Variants in MPG observed in about 807,000 individuals in gnomAD.
MPG encodes the protein N-methylpurine DNA glycosylase.
Under a neutral mutation model 31.7 loss-of-function variants are expected in MPG, and 33 were observed. The observed-to-expected ratio is 1.04, with a 90% CI of 0.79 to 1.39. The LOEUF is 1.39. Ranked by LOEUF, MPG falls within the 40% of genes most tolerant of loss-of-function variation. MPG has a pLI of 0.00. For missense variants in MPG, 455 were observed against 415.5 expected (o/e 1.10, Z -0.83); for synonymous variants, 202 against 169.2 (o/e 1.19, Z -1.51).
rs25671 is a variant in MPG at position 79,663 on chromosome 16, A to C, written c.263A>C (p.Gln88Pro). ...CGACTGGGGTTGGAGTTCTTCGACC[A>C]GCCGGCAGTCCCCCTGGCCCGGGCA... ...LTRLGLEFFD[Q>P]PAVPLARAFL... The change falls in exon 2 of 4, where the codon CAG becomes CCG. Residue 88 changes from glutamine to proline, a missense_variant. Transcript: ENST00000356432. 5.1e-6 allele frequency: 8 copies of C among 1,569,316 alleles called. No individual in the cohort carries two copies. Among genetic ancestry groups the C allele is most frequent in the Non-Finnish European group, 6.9e-6 (8 of 1,156,162 alleles).
chr16:79,424 G>A lies in MPG; in HGVS notation c.25-1G>A, dbSNP rs146600185. 6.2e-7 allele frequency: 1 copy of A among 1,613,388 alleles called. No individual in the cohort carries two copies. Among genetic ancestry groups the A allele is most frequent in the Non-Finnish European group, 8.5e-7 (1 of 1,179,984 alleles). On this transcript the variant is annotated splice_acceptor_variant, in intron 1 of 3. Coordinates refer to ENST00000356432, the MANE Select transcript of MPG (RefSeq NM_001015052.3). LOFTEE classifies it high-confidence loss of function. ...CTTATTTATTTTTTTTCCCATTACA[G>A]TTTTGCCGACGGATGGGGCAAAAGA...
intron 3 of MPG, among the ~76,000 whole-genome samples, chr16:85,193 A>G (rs1328196284): frequency 6.6e-6 from 1 of 152,200 alleles, no homozygotes; most frequent in East Asian, 1.9e-4. Context: ...GAGGATGGCA[A>G]GGTAGGCAGA....
At chr16:81,609 G>T (rs1473635953) in intron 2 of MPG, among the ~76,000 whole-genome samples, 2 of 140,498 alleles carry the variant, frequency 1.4e-5, no homozygotes, top group South Asian at 2.3e-4. Context: ...CTCCAGGAAG[G>T]CCTCCTGAAT....
chr16:80,709 T>C (rs1175243922), intron 2 of MPG, among the ~76,000 whole-genome samples: 3 of 152,074 alleles, frequency 2.0e-5, no homozygotes, highest in Non-Finnish European at 4.4e-5. Context: ...CTTGGGAGGC[T>C]GAGGCAGGAG....
intron 1 of MPG, 126 bp downstream of exon 1, chr16:78,459 C>T (rs1463323137): frequency 8.1e-6 from 7 of 860,446 alleles, no homozygotes; most frequent in African/African-American, 5.4e-5. Flanking sequence ...GGGTTCGGGG[C>T]AGAGCCAGAG....
Position 83,100 on chromosome 16 carries a change from G to T in MPG, c.349G>T (p.Val117Leu). Residue 117 changes from valine (V) to leucine (L), a missense_variant, in exon 3 of 4, where the codon GTG becomes TTG. Coordinates refer to ENST00000356432, the MANE Select transcript of MPG (RefSeq NM_001015052.3). ...PNGTELRGRI[V>L]ETEAYLGPED... is the part of the protein sequence containing the mutation. ...TGGCACAGAACTCCGAGGCCGCATC[G>T]TGGAGACCGAGGCATACCTGGGGCC... 6.2e-7 allele frequency: 1 copy of T among 1,612,512 alleles called. No homozygotes were observed. The highest frequency in any genetic ancestry group is 8.5e-7 in the Non-Finnish European group (1 of 1,179,482).
At position 83,089 on chromosome 16, in the gene MPG, G is replaced by A. The variant is rs201536549; in HGVS notation, c.338G>A (p.Arg113Gln). 536 of 1,611,342 alleles carry A rather than the reference G, an allele frequency of 3.3e-4. 1 individual carries two copies. The highest frequency in any genetic ancestry group is 1.4e-3 in the East Asian group (64 of 44,826). ...CGACTTCCTAATGGCACAGAACTCCGAGGCCGCATCGTGGAGACCGAGGCA... is the reference window on the plus strand; with the variant it reads ...CGACTTCCTAATGGCACAGAACTCCAAGGCCGCATCGTGGAGACCGAGGCA... Reference protein sequence around the residue: ...VRRLPNGTELRGRIVETEAYL... With the variant: ...VRRLPNGTELQGRIVETEAYL... Residue 113 changes from arginine (R) to glutamine (Q), a missense_variant, in exon 3 of 4, where the codon CGA becomes CAA. By Grantham distance (43) the Arg-to-Gln change is conservative (BLOSUM62 1). Transcript: ENST00000356432.
At position 78,234 on chromosome 16, in the gene MPG, G is replaced by A. The variant is rs1226824093; in HGVS notation, c.-76G>A. Reference sequence around the variant, plus strand: ...GGCGCCGCTCCGCCCCGGTCCTAGGGGTGCTTCCGTGGTCGGCGGCTGCTG... The same window carrying A: ...GGCGCCGCTCCGCCCCGGTCCTAGGAGTGCTTCCGTGGTCGGCGGCTGCTG... On this transcript the variant is annotated 5_prime_UTR_variant, in exon 1 of 4. Coordinates refer to ENST00000356432, the MANE Select transcript of MPG (RefSeq NM_001015052.3). 1.5e-5 allele frequency: 20 copies of A among 1,326,276 alleles called. No homozygotes were observed. The highest frequency in any genetic ancestry group is 1.9e-5 in the Non-Finnish European group (19 of 1,020,752). The allele number at this position is 1,326,276 out of a possible 1,614,324, so 82.2% of individuals were successfully genotyped here.
At chr16:82,033 C>T in intron 2 of MPG, among the ~76,000 whole-genome samples, 2 of 127,640 alleles carry the variant, frequency 1.6e-5, no homozygotes, top group East Asian at 2.2e-4. Flanking sequence ...CCCACGCTGG[C>T]CCCTTCTTCC....
rs1898295884 is a variant in MPG at position 83,075 on chromosome 16, T to C, written c.324T>C (p.Asn108=). ...AGGTCCTAGTCCGGCGACTTCCTAA[T>C]GGCACAGAACTCCGAGGCCGCATCG... ...LGQVLVRRLP[N]GTELRGRIVE... Residue 108 remains asparagine, a synonymous_variant, in exon 3 of 4, where the codon AAT becomes AAC. Transcript: ENST00000356432. The C allele has an allele frequency of 6.2e-7, 1 of 1,607,764 alleles. No individual in the cohort carries two copies. Among genetic ancestry groups the C allele is most frequent in the Middle Eastern group, 1.7e-4 (1 of 6,026 alleles).
intron 3 of MPG, 96 bp downstream of exon 3, chr16:83,352 T>C (rs1267046683): frequency 2.4e-6 from 3 of 1,276,270 alleles, no homozygotes; most frequent in Non-Finnish European, 3.3e-6. Context: ...GGGGCCAGCA[T>C]TTGAGCGAGG....
At chr16:77,922 G>C (rs1898131637), upstream of MPG, 2 of 158,072 alleles carry the variant, frequency 1.3e-5, no homozygotes, top group African/African-American at 4.8e-5. Flanking sequence ...TCTGACCACC[G>C]GCTGGTGGAG....
chr16:84,860 C>T (rs1209834874), intron 3 of MPG, among the ~76,000 whole-genome samples: 1 of 152,190 alleles, frequency 6.6e-6, no homozygotes, highest in African/African-American at 2.4e-5. Flanking sequence ...TAAGCCAACT[C>T]CTAGCCCCCA....
At chr16:83,277 G>A (rs749466864) in intron 3 of MPG, 21 bp downstream of exon 3, 15 of 1,597,438 alleles carry the variant, frequency 9.4e-6, no homozygotes, top group East Asian at 2.2e-5. Context: ...CTGGGGCACG[G>A]GGGGTTGGAG....
At chr16:80,759 A>G (rs1408999876) in intron 2 of MPG, among the ~76,000 whole-genome samples, 2 of 152,184 alleles carry the variant, frequency 1.3e-5, no homozygotes, top group African/African-American at 4.8e-5. Flanking sequence ...CAGAGAGCTG[A>G]GATCACGCCA....
chr16:79,399 CTTA>C, intron 1 of MPG, 23 bp from the exon 2 acceptor site: 7 of 1,613,720 alleles, frequency 4.3e-6, no homozygotes, highest in African/African-American at 1.3e-5. Flanking sequence ...TATTCGGATG[CTTA>C]TTTATTTTTT....
At chr16:83,438 G>C (rs1219668000) in intron 3 of MPG, 182 bp downstream of exon 3, 2 of 633,420 alleles carry the variant, frequency 3.2e-6, no homozygotes, top group South Asian at 4.0e-5. Context: ...TTAGGTTAAA[G>C]GGGTAGAAAG....
At chr16:83,439 G>T (rs1248626019) in intron 3 of MPG, 183 bp downstream of exon 3, 3 of 633,668 alleles carry the variant, frequency 4.7e-6, no homozygotes, top group Non-Finnish European at 8.0e-6. Flanking sequence ...TAGGTTAAAG[G>T]GGTAGAAAGG....
At chr16:79,839 G>A in intron 2 of MPG, 139 bp downstream of exon 2, 1 of 951,418 alleles carries the variant, frequency 1.1e-6, no homozygotes, top group South Asian at 1.7e-5. Context: ...TGCTCACACT[G>A]GTCCCTGCTT....
Sources: gnomAD v4.1 joint callset for allele counts (sites outside exome capture counted in the v4.1 genomes callset) on GRCh38, gnomAD v4.1.1 for gene constraint, MANE v1.5 for transcripts, NCBI Gene and HGNC (gene_info 2026-07-23, HGNC 2026-07-21) for gene names.